Variants in RPS6KB2 observed in about 807,000 individuals in gnomAD.
RPS6KB2 encodes ribosomal protein S6 kinase beta-2.
A neutral mutation model predicts 58.2 loss-of-function variants in RPS6KB2; 51 were observed. That is an observed-to-expected ratio of 0.88 (90% CI 0.70 to 1.11). The LOEUF (loss-of-function observed/expected upper bound fraction) is 1.11. Ranked by LOEUF, RPS6KB2 falls within the 50% of genes least tolerant of loss-of-function variation. The probability of loss-of-function intolerance (pLI) is 0.00; values close to 1 mark genes in which losing one functional copy is unlikely to be tolerated. For synonymous variants in RPS6KB2, 293 were observed against 258.6 expected (o/e 1.13, Z -1.28); for missense variants, 671 against 655.8 (o/e 1.02, Z -0.25).
intron 4 of RPS6KB2, 83 bp from the exon 5 acceptor site, chr11:67,431,285 C>T (rs1864011468): frequency 1.4e-6 from 2 of 1,410,132 alleles, no homozygotes; most frequent in Admixed American, 3.6e-5. Flanking sequence ...CTGCCTTGGC[C>T]TCCTAGAGTG....
intron 4 of RPS6KB2, chr11:67,430,469 G>A (rs866679760): frequency 2.0e-5 from 3 of 148,834 alleles, no homozygotes; most frequent in South Asian, 2.1e-4. Flanking sequence ...TTTTTTTTTT[G>A]TATTTTTAGT....
intron 1 of RPS6KB2, 92 bp downstream of exon 1, chr11:67,428,715 C>T: frequency 7.9e-7 from 1 of 1,273,568 alleles, no homozygotes; most frequent in Middle Eastern, 2.2e-4. Context: ...CCAGAGCGGG[C>T]TCCGACTCTT....
At chr11:67,429,866 T>C (rs940718592) in intron 4 of RPS6KB2, 4 of 331,018 alleles carry the variant, frequency 1.2e-5, no homozygotes, top group Non-Finnish European at 2.3e-5. Flanking sequence ...CAGGCTGGAG[T>C]GCAGTGACGC....
intron 5 of RPS6KB2, chr11:67,431,800 C>T: frequency 2.5e-6 from 1 of 393,212 alleles, no homozygotes; most frequent in Non-Finnish European, 4.7e-6. Flanking sequence ...TCTCTTCCTA[C>T]TCCCCTCCCT....
At chr11:67,434,863 T>C (rs1864211133) in intron 14 of RPS6KB2, 126 bp from the exon 15 acceptor site, 1 of 1,056,744 alleles carries the variant, frequency 9.5e-7, no homozygotes, top group South Asian at 1.4e-5. Context: ...GCTGCCTGGA[T>C]GGGAGTTTGT....
rs938184582 is a variant in RPS6KB2 at position 67,435,350 on chromosome 11, G to A, written c.*181G>A. ...GAATCATGGGCACGGAGGGCCGCCC[G>A]CCACGCCCCGCGCTCAACTGCTCCC... On this transcript the variant is annotated 3_prime_UTR_variant, in exon 15 of 15. Transcript: ENST00000312629. 1.5e-5 allele frequency: 10 copies of A among 654,792 alleles called. No homozygotes were observed. Among genetic ancestry groups the A allele is most frequent in the African/African-American group, 1.3e-4 (7 of 54,632 alleles). The allele number at this position is 654,792 out of a possible 1,614,324, so 40.6% of individuals were successfully genotyped here. A position where few individuals can be genotyped will look rare whatever the true frequency, so the allele number is the denominator to read the frequency against.
intron 1 of RPS6KB2, 136 bp from the exon 2 acceptor site, chr11:67,428,846 C>T: frequency 9.0e-7 from 1 of 1,114,208 alleles, no homozygotes; most frequent in African/African-American, 1.5e-5. Context: ...CCTTCGGTTT[C>T]TTCCCAATTC....
chr11:67,433,018 C>A lies in RPS6KB2; in HGVS notation c.683C>A (p.Thr228Asn), dbSNP rs183360785. 4.5e-5 allele frequency: 73 copies of A among 1,613,410 alleles called. No homozygotes were observed. In the East Asian group the frequency reaches 1.6e-3, roughly 35 times the overall value. ...ATCCATGAGGGCGCCGTCACTCACACCTTCTGCGGCACCATTGAGTACATG... is the reference window on the plus strand; with the variant it reads ...ATCCATGAGGGCGCCGTCACTCACAACTTCTGCGGCACCATTGAGTACATG... ...ESIHEGAVTH[T>N]FCGTIEYMAP... The change falls in exon 8 of 15, where the codon ACC (threonine) becomes AAC (asparagine). Residue 228 changes from threonine (T) to asparagine (N), a missense_variant. Thr to Asn is a moderately conservative substitution (Grantham distance 65). Transcript: ENST00000312629.
chr11:67,429,080 G>A, intron 2 of RPS6KB2, 40 bp from the exon 3 acceptor site: 1 of 1,613,854 alleles, frequency 6.2e-7, no homozygotes, highest in Non-Finnish European at 8.5e-7. Context: ...GAACTGGGGA[G>A]CACTGGAGCC....
intron 4 of RPS6KB2, 106 bp downstream of exon 4, chr11:67,429,701 C>G: frequency 2.1e-6 from 2 of 931,870 alleles, no homozygotes; most frequent in Non-Finnish European, 3.4e-6. Flanking sequence ...GGATCCCTGA[C>G]TTTGGCGTTT....
In RPS6KB2 at chr11:67,431,487, ACT is replaced by A; in HGVS notation, c.432_433del (p.Tyr145ProfsTer4). 4.3e-6 allele frequency: 7 copies of A among 1,613,596 alleles called. No homozygotes were observed. The Admixed American group carries it at 5.0e-5, about 12-fold the overall frequency. ...CCTATGCCTTCCAGACTGGTGGCAA[ACT>A]CTACCTCATCCTTGAGTGCCTCAGT... The part of the protein sequence containing the change: ...LAYAFQTGGK[L>X]YLILECLSGG... On this transcript the variant is annotated frameshift_variant, in exon 5 of 15. Coordinates refer to ENST00000312629, the MANE Select transcript of RPS6KB2 (RefSeq NM_003952.3). LOFTEE classifies it high-confidence loss of function.
At position 67,434,031 on chromosome 11, in the gene RPS6KB2, G is replaced by A; in HGVS notation, c.943G>A (p.Gly315Ser). ...KRNPSQRIGG[G>S]PGDAADVQRH... Reference sequence around the variant, plus strand: ...GAATCCCAGCCAGCGGATTGGGGGTGGCCCAGGGGATGCTGCTGATGTGCA... The same window carrying A: ...GAATCCCAGCCAGCGGATTGGGGGTAGCCCAGGGGATGCTGCTGATGTGCA... The change falls in exon 11 of 15, where the codon GGC becomes AGC. Residue 315 changes from glycine to serine, a missense_variant. Coordinates refer to ENST00000312629, the MANE Select transcript of RPS6KB2 (RefSeq NM_003952.3). 6.2e-7 allele frequency: 1 copy of A among 1,614,164 alleles called. No homozygotes were observed. Among genetic ancestry groups the A allele is most frequent in the Non-Finnish European group, 8.5e-7 (1 of 1,180,020 alleles).
Position 67,432,616 on chromosome 11 carries a change from G to C in RPS6KB2, c.474G>C (p.Thr158=). The stretch of plus-strand genomic sequence containing the variant: ...GTGTGGCAGGTGGCGAGCTCTTCAC[G>C]CATCTGGAGCGAGAGGGCATCTTCC... ...LECLSGGELF[T]HLEREGIFLE... Residue 158 remains threonine, a synonymous_variant, in exon 6 of 15, where the codon ACG becomes ACC. Coordinates refer to ENST00000312629, the MANE Select transcript of RPS6KB2 (RefSeq NM_003952.3). The C allele has an allele frequency of 1.2e-6, 2 of 1,614,226 alleles. No individual in the cohort carries two copies. The highest frequency in any genetic ancestry group is 1.7e-6 in the Non-Finnish European group (2 of 1,180,030).
At chr11:67,432,490 C>T in intron 5 of RPS6KB2, 110 bp from the exon 6 acceptor site, 1 of 1,147,166 alleles carries the variant, frequency 8.7e-7, no homozygotes, top group South Asian at 1.2e-5. Context: ...CTCTGTGAGG[C>T]AGGTAGGGCG....
At position 67,433,427 on chromosome 11, in the gene RPS6KB2, G is replaced by T. The variant is rs1864116249; in HGVS notation, c.886G>T (p.Ala296Ser). 13 of 1,613,278 alleles carry T rather than the reference G, an allele frequency of 8.1e-6. No homozygotes were observed. In the Middle Eastern group the frequency reaches 6.6e-4, roughly 82 times the overall value. ...LALPPYLTPD[A>S]RDLVKKFLKR... ...ACTGCCCCCCTACCTCACCCCAGAT[G>T]CCCGGGACCTTGTCAAAAAGGTGCA... The change falls in exon 10 of 15, where the codon GCC becomes TCC. Residue 296 changes from alanine to serine, a missense_variant. Transcript: ENST00000312629.
rs1480175305 is a variant in RPS6KB2, at chr11:67,428,630, G to T, written c.78+7G>T. 9 of 1,605,502 alleles carry T rather than the reference G, an allele frequency of 5.6e-6. No homozygotes were observed. In the Admixed American group the frequency reaches 6.8e-5, roughly 12 times the overall value. ...GCCAGAGCTCAGCCCCGCGGTGAGTGCCCTGCCCTGGCGCGACTGGATCCT... is the reference window on the plus strand; with the variant it reads ...GCCAGAGCTCAGCCCCGCGGTGAGTTCCCTGCCCTGGCGCGACTGGATCCT... On this transcript the variant is annotated splice_region_variant and intron_variant, in intron 1 of 14. Transcript: ENST00000312629.
At chr11:67,432,573 G>A (rs777477733) in intron 5 of RPS6KB2, 27 bp from the exon 6 acceptor site, 222 of 1,613,644 alleles carry the variant, frequency 1.4e-4, no homozygotes, top group Non-Finnish European at 1.3e-4. Flanking sequence ...GACCCAGCAC[G>A]TGGCTGCTGA....
rs1203648555 is a variant in RPS6KB2 at position 67,429,176 on chromosome 11, C to T, written c.176C>T (p.Pro59Leu). 4 of 1,613,860 alleles carry T rather than the reference C, an allele frequency of 2.5e-6. No homozygotes were observed. The highest frequency in any genetic ancestry group is 3.4e-6 in the Non-Finnish European group (4 of 1,180,022). Residue 59 changes from proline (P) to leucine (L), a missense_variant, in exon 3 of 15, where the codon CCA becomes CTA. Pro to Leu is a moderately conservative substitution (Grantham distance 98). Transcript: ENST00000312629. ...ELTETSVNVG[P>L]ERIGPHCFEL... is the part of the protein sequence containing the mutation. ...ACTGAGACCAGCGTGAACGTTGGCCCAGAGCGCATCGGGCCCCACTGCTTT... is the reference window on the plus strand; with the variant it reads ...ACTGAGACCAGCGTGAACGTTGGCCTAGAGCGCATCGGGCCCCACTGCTTT...
At position 67,429,529 on chromosome 11, in the gene RPS6KB2, G is replaced by A. The variant is rs1450176709; in HGVS notation, c.243G>A (p.Val81=). 1 of 1,612,796 alleles carries A rather than the reference G, an allele frequency of 6.2e-7. No individual in the cohort carries two copies. The highest frequency in any genetic ancestry group is 8.5e-7 in the Non-Finnish European group (1 of 1,179,602). ...RVLGKGGYGK[V]FQVRKVQGTN... The stretch of plus-strand genomic sequence containing the variant: ...ATCCTGTCTCCCCTGCCCTACAGGT[G>A]TTCCAGGTGCGAAAGGTGCAAGGCA... Residue 81 remains valine, a splice_region_variant and synonymous_variant, in exon 4 of 15, where the codon GTG becomes GTA. Coordinates refer to ENST00000312629, the MANE Select transcript of RPS6KB2 (RefSeq NM_003952.3).
Sources: allele counts gnomAD v4.1 joint callset, GRCh38; gene constraint gnomAD v4.1.1; transcripts MANE v1.5; gene names NCBI Gene and HGNC (gene_info 2026-07-23, HGNC 2026-07-21).